Variants in SEZ6L2 observed in about 807,000 individuals in gnomAD.
SEZ6L2 encodes the protein seizure 6-like protein 2.
SEZ6L2 carries 44 observed loss-of-function variants against 97.0 expected under a neutral mutation model. That is an observed-to-expected ratio of 0.45 (90% CI 0.36 to 0.58). SEZ6L2 has a LOEUF of 0.58. Among genes scored for constraint, SEZ6L2 ranks in the 20% least tolerant of loss-of-function variants. The pLI, the probability that SEZ6L2 is intolerant of heterozygous loss-of-function variation, is 0.00. For synonymous variants in SEZ6L2, 543 were observed against 546.1 expected (o/e 0.99, Z 0.08); for missense variants, 1,086 against 1,233.3 (o/e 0.88, Z 1.79).
At chr16:29,898,779 C>G (rs2068464153) in intron 1 of SEZ6L2, among the ~76,000 whole-genome samples, 162 bp downstream of exon 1, 2 of 152,180 alleles carry the variant, frequency 1.3e-5, no homozygotes, top group African/African-American at 4.8e-5. Context: ...GGTTAAGGGG[C>G]TTCGGGTTCA....
In SEZ6L2 at chr16:29,877,411, G is replaced by T. The variant is rs747929207; in HGVS notation, c.1769C>A (p.Ala590Asp). Residue 590 changes from alanine (A) to aspartate (D), a missense_variant, in exon 11 of 18, where the codon GCC becomes GAC. Coordinates refer to ENST00000617533, the MANE Select transcript of SEZ6L2 (RefSeq NM_001243332.2). Reference protein sequence around the residue: ...LTLFDGDGPSARVLAQLRGPQ... With the variant: ...LTLFDGDGPSDRVLAQLRGPQ... ...TCCCCGCAGCTGGGCCAAGACTCGG[G>T]CGCTGGGACCGTCCCCGTCGAACAG... The T allele has an allele frequency of 1.9e-6, 3 of 1,612,430 alleles. No homozygotes were observed. The East Asian group carries it at 6.7e-5, about 36-fold the overall frequency.
intron 5 of SEZ6L2, 72 bp from the exon 6 acceptor site, chr16:29,888,797 T>C (rs1438244692): frequency 5.2e-6 from 7 of 1,358,950 alleles, no homozygotes; most frequent in East Asian, 2.5e-5. Flanking sequence ...CCCCCAGCAC[T>C]TCCCCCCTCT....
chr16:29,884,718 A>T (rs1469582767), intron 8 of SEZ6L2, among the ~76,000 whole-genome samples: 1 of 150,098 alleles, frequency 6.7e-6, no homozygotes, highest in African/African-American at 2.5e-5. Flanking sequence ...GTTCCAGACC[A>T]GCCTGACCAA....
In SEZ6L2 at chr16:29,871,159, T is replaced by C. The variant is rs2067771484; in HGVS notation, c.*540A>G. 6.0e-6 allele frequency: 1 copy of C among 167,004 alleles called. No homozygotes were observed. The highest frequency in any genetic ancestry group is 1.5e-4 in the East Asian group (1 of 6,700). 10.3% of individuals were successfully genotyped at this position (167,004 alleles called of 1,614,324 possible). On this transcript the variant is annotated 3_prime_UTR_variant, in exon 18 of 18. Transcript: ENST00000617533. ...ACCTCCCCACACTCCACCGGCCCAATTACAAGTGGCGATTTTCTGTTTATT... is the reference window on the plus strand; with the variant it reads ...ACCTCCCCACACTCCACCGGCCCAACTACAAGTGGCGATTTTCTGTTTATT...
intron 6 of SEZ6L2, 59 bp from the exon 7 acceptor site, chr16:29,887,876 G>C: frequency 6.3e-7 from 1 of 1,580,404 alleles, no homozygotes. Flanking sequence ...CTTCTCCTCG[G>C]GGCCTCGGCC....
Position 29,871,625 on chromosome 16 carries a change from C to G in SEZ6L2, c.*74G>C. ...AGGAGGGCAGCCAGGAGGCAGAGACCGGGTCCCGTATTTCCCTCTGCCCGA... is the reference window on the plus strand; with the variant it reads ...AGGAGGGCAGCCAGGAGGCAGAGACGGGGTCCCGTATTTCCCTCTGCCCGA... On this transcript the variant is annotated 3_prime_UTR_variant, in exon 18 of 18. Transcript: ENST00000617533. The G allele has an allele frequency of 1.4e-6, 2 of 1,468,006 alleles. No individual in the cohort carries two copies. The highest frequency in any genetic ancestry group is 1.9e-6 in the Non-Finnish European group (2 of 1,065,786). 90.9% of individuals were successfully genotyped at this position (1,468,006 alleles called of 1,614,324 possible). A position where few individuals can be genotyped will look rare whatever the true frequency, so the allele number is the denominator to read the frequency against.
Position 29,873,532 on chromosome 16 carries a change from A to G in SEZ6L2, c.2296+6T>C. 3 of 1,614,016 alleles carry G rather than the reference A, an allele frequency of 1.9e-6. No homozygotes were observed. The highest frequency in any genetic ancestry group is 2.5e-6 in the Non-Finnish European group (3 of 1,179,972). Reference sequence around the variant, plus strand: ...GCCACCCTCCCAGGGTGTGCCCCAGACTCACAGGCGCATTTGGGGACCCTA... The same window carrying G: ...GCCACCCTCCCAGGGTGTGCCCCAGGCTCACAGGCGCATTTGGGGACCCTA... On this transcript the variant is annotated splice_donor_region_variant and intron_variant, in intron 13 of 17. Coordinates refer to ENST00000617533, the MANE Select transcript of SEZ6L2 (RefSeq NM_001243332.2). This position sits in a 1 kb window ranked among gnomAD's most constrained non-coding sequence, Gnocchi z 4.3.
chr16:29,873,717 G>A lies in SEZ6L2; in HGVS notation c.2117C>T (p.Ala706Val), dbSNP rs2067839656. 2 of 1,590,502 alleles carry A rather than the reference G, an allele frequency of 1.3e-6. No individual in the cohort carries two copies. The highest frequency in any genetic ancestry group is 2.2e-5 in the East Asian group (1 of 44,750). The change falls in exon 13 of 18, where the codon GCT becomes GTT. Residue 706 changes from alanine to valine, a missense_variant. Coordinates refer to ENST00000617533, the MANE Select transcript of SEZ6L2 (RefSeq NM_001243332.2). This position sits in a 1 kb window ranked among gnomAD's most constrained non-coding sequence, Gnocchi z 4.3. ...PPACQKIMTCADPGEIANGHR... is the reference protein window; with the variant it reads ...PPACQKIMTCVDPGEIANGHR... ...CCCGTTGGCAATCTCGCCAGGGTCA[G>A]CACAAGTCATGACTGGTGGCAGAAG... is the stretch of plus-strand genomic sequence containing the variant.
rs766825843 is a variant in SEZ6L2, at chr16:29,897,884, C to T, written c.180G>A (p.Leu60=). Residue 60 remains leucine (L), a synonymous_variant, in exon 2 of 18, where the codon CTG becomes CTA. Transcript: ENST00000617533. Reference sequence around the variant, plus strand: ...GGTAGCCCATCTCTGGGCCCCTCCTCAGCAGGGCCCCATGAAGCAGTTCAG... The same window carrying T: ...GGTAGCCCATCTCTGGGCCCCTCCTTAGCAGGGCCCCATGAAGCAGTTCAG... The part of the protein sequence containing the change: ...ALAELLHGAL[L]RRGPEMGYLP... 18 of 1,612,884 alleles carry T rather than the reference C, an allele frequency of 1.1e-5. No homozygotes were observed. In the African/African-American group the frequency reaches 1.5e-4, roughly 13 times the overall value.
intron 8 of SEZ6L2, among the ~76,000 whole-genome samples, chr16:29,885,069 GC>G (rs2068106760): frequency 1.3e-5 from 2 of 149,530 alleles, no homozygotes; most frequent in African/African-American, 4.9e-5. Context: ...TTAGTCGGGC[GC>G]GGTGGCGGGT....
Position 29,872,757 on chromosome 16 carries a change from AG to A in SEZ6L2, c.2489-15del. On this transcript the variant is annotated splice_polypyrimidine_tract_variant and intron_variant, in intron 14 of 17. Transcript: ENST00000617533. The stretch of plus-strand genomic sequence containing the variant: ...CCTCATAGGCAACTGCAGGGAGAGG[AG>A]GGGGAGGGGATGGGGTCTGAGCCAG... 8.6e-7 allele frequency: 1 copy of A among 1,157,196 alleles called. No individual in the cohort carries two copies. Among genetic ancestry groups the A allele is most frequent in the Non-Finnish European group, 1.2e-6 (1 of 826,476 alleles). The allele number at this position is 1,157,196 out of a possible 1,614,324, so 71.7% of individuals were successfully genotyped here. A position where few individuals can be genotyped will look rare whatever the true frequency, so the allele number is the denominator to read the frequency against.
intron 8 of SEZ6L2, among the ~76,000 whole-genome samples, chr16:29,884,091 A>T (rs1036614123): frequency 5.9e-5 from 9 of 151,580 alleles, no homozygotes; most frequent in Non-Finnish European, 7.4e-5. Flanking sequence ...GGCCTTCCCC[A>T]CTCCCAGTCC....
rs983371200 is a variant in SEZ6L2 at position 29,899,344 on chromosome 16, C to T, written c.-325G>A. Reference sequence around the variant, plus strand: ...GGGTGGCCTGGGTTACCCTCCTGCTCAGGCGCCTGGGTCCACTGGGCTGTC... The same window carrying T: ...GGGTGGCCTGGGTTACCCTCCTGCTTAGGCGCCTGGGTCCACTGGGCTGTC... On this transcript the variant is annotated 5_prime_UTR_variant, in exon 1 of 18. Transcript: ENST00000617533. 8 of 348,782 alleles carry T rather than the reference C, an allele frequency of 2.3e-5. No individual in the cohort carries two copies. The Admixed American group carries it at 2.5e-4, about 11-fold the overall frequency. 21.6% of individuals were successfully genotyped at this position (348,782 alleles called of 1,614,324 possible).
chr16:29,888,790 C>T (rs891322896), intron 5 of SEZ6L2, 65 bp from the exon 6 acceptor site: 60 of 1,411,228 alleles, frequency 4.3e-5, no homozygotes, highest in Non-Finnish European at 5.6e-5. Context: ...TACTGATCCC[C>T]CAGCACTTCC....
chr16:29,877,101 G>A lies in SEZ6L2; in HGVS notation c.1910-151C>T, dbSNP rs1466048193. The A allele has an allele frequency of 5.6e-6, 6 of 1,075,602 alleles. No homozygotes were observed. The Admixed American group carries it at 1.1e-4, about 20-fold the overall frequency. 66.6% of individuals were successfully genotyped at this position (1,075,602 alleles called of 1,614,324 possible). A position where few individuals can be genotyped will look rare whatever the true frequency, so the allele number is the denominator to read the frequency against. ...TTCCTGTCGCCCAGGCTGGAGTACAGTGGTACAAGCATAGCTCACTGCAGC... is the reference window on the plus strand; with the variant it reads ...TTCCTGTCGCCCAGGCTGGAGTACAATGGTACAAGCATAGCTCACTGCAGC... On this transcript the variant is annotated intron_variant, in intron 11 of 17. Transcript: ENST00000617533.
intron 12 of SEZ6L2, among the ~76,000 whole-genome samples, chr16:29,874,567 T>TTTTTG (rs2067862845): frequency 1.0e-5 from 1 of 100,070 alleles, no homozygotes; most frequent in Non-Finnish European, 2.1e-5. Flanking sequence ...TTTTTTTTTT[T>TTTTTG]TTTTTTTTTT....
intron 12 of SEZ6L2, among the ~76,000 whole-genome samples, chr16:29,875,807 C>T (rs934006285): frequency 1.3e-4 from 19 of 151,824 alleles, no homozygotes; most frequent in African/African-American, 4.4e-4. Flanking sequence ...GGATTACAGG[C>T]GTATGCCACC....
chr16:29,879,955 T>G lies in SEZ6L2; in HGVS notation c.1482A>C (p.Gly494=), dbSNP rs759585634. Residue 494 remains glycine (G), a synonymous_variant, in exon 9 of 18, where the codon GGA becomes GGC. Coordinates refer to ENST00000617533, the MANE Select transcript of SEZ6L2 (RefSeq NM_001243332.2). ...GGGGCCCAGGGGGCTCCAGGGCATA[T>G]CCTGGGAGGCACGAGAAGGTTGCCA... ...GALATFSCLP[G]YALEPPGPPN... is the part of the protein sequence containing the mutation. 6.2e-6 allele frequency: 10 copies of G among 1,614,020 alleles called. No homozygotes were observed. The highest frequency in any genetic ancestry group is 2.2e-5 in the South Asian group (2 of 91,080).
At chr16:29,879,065 G>T (rs984136572) in intron 9 of SEZ6L2, among the ~76,000 whole-genome samples, 3 of 150,260 alleles carry the variant, frequency 2.0e-5, no homozygotes, top group Admixed American at 6.7e-5. Flanking sequence ...ACCATGCCCG[G>T]CTAATTTTTG....
Sources: allele counts gnomAD v4.1 joint callset (sites outside exome capture counted in the v4.1 genomes callset), GRCh38; gene constraint gnomAD v4.1.1; non-coding constraint Gnocchi (gnomAD v3.1); transcripts MANE v1.5; gene names NCBI Gene and HGNC (gene_info 2026-07-23, HGNC 2026-07-21).